Variants in CLASP1 observed in about 807,000 individuals in gnomAD.
The protein encoded by CLASP1 is CLIP-associating protein 1.
Under a neutral mutation model 192.3 loss-of-function variants are expected in CLASP1, and 38 were observed. The observed-to-expected ratio is 0.20, with a 90% CI of 0.15 to 0.26. The LOEUF (loss-of-function observed/expected upper bound fraction) is 0.26. Ranked by LOEUF, CLASP1 falls within the 10% of genes least tolerant of loss-of-function variation. The pLI, the probability that CLASP1 is intolerant of heterozygous loss-of-function variation, is 1.00. For missense variants in CLASP1, 1,433 were observed against 1,932.5 expected (o/e 0.74, Z 4.85); for synonymous variants, 691 against 712.8 (o/e 0.97, Z 0.49).
chr2:121,465,863 G>A (rs916930840), intron 9 of CLASP1, among the ~76,000 whole-genome samples: 35 of 151,876 alleles, frequency 2.3e-4, no homozygotes, highest in Non-Finnish European at 4.9e-4. Flanking sequence ...CAGAAATAAC[G>A]CCGCATATCT....
At chr2:121,502,650 G>A (rs1349538792) in intron 8 of CLASP1, among the ~76,000 whole-genome samples, 5 of 152,246 alleles carry the variant, frequency 3.3e-5, no homozygotes, top group African/African-American at 9.6e-5. Context: ...GGCGGTGGGT[G>A]CCAGATCACG....
At chr2:121,518,586 G>A (rs547708402) in intron 6 of CLASP1, among the ~76,000 whole-genome samples, 6 of 152,106 alleles carry the variant, frequency 3.9e-5, no homozygotes, top group Non-Finnish European at 5.9e-5. Context: ...TTGAAAATGC[G>A]GTCGGGCGCG....
At chr2:121,370,526 T>C (rs1029028075) in intron 34 of CLASP1, among the ~76,000 whole-genome samples, 1 of 152,200 alleles carries the variant, frequency 6.6e-6, no homozygotes, top group African/African-American at 2.4e-5. Flanking sequence ...GGTTTCACCA[T>C]GTTGGTCAGG....
At chr2:121,479,937 G>C (rs542159945) in intron 8 of CLASP1, among the ~76,000 whole-genome samples, 61 of 152,320 alleles carry the variant, frequency 4.0e-4, no homozygotes, top group African/African-American at 1.4e-3. Flanking sequence ...TAGAAGCTCT[G>C]AGGGTGCTAG....
intron 7 of CLASP1, among the ~76,000 whole-genome samples, chr2:121,514,293 A>AGGGTTTCACTCTCGAGAC (rs1156404210): frequency 6.6e-6 from 1 of 152,222 alleles, no homozygotes; most frequent in African/African-American, 2.4e-5. Flanking sequence ...GCAGCAGGGC[A>AGGGTTTCACTCTCGAGAC]GGGTTTCACT....
intron 9 of CLASP1, among the ~76,000 whole-genome samples, chr2:121,464,222 C>G (rs2088888485): frequency 1.3e-5 from 2 of 152,048 alleles, no homozygotes; most frequent in African/African-American, 4.8e-5. Flanking sequence ...ATATGTGCCA[C>G]ATTTTCTTAA....
Position 121,440,629 on chromosome 2 carries a change from G to A in CLASP1, c.1912+6708C>T, listed in dbSNP as rs115943083. 6.6e-3 allele frequency among the ~76,000 whole-genome samples: 1,008 copies of A among 152,246 alleles called. 13 individuals carry two copies. Among genetic ancestry groups the A allele is most frequent in the African/African-American group, 0.021 (889 of 41,532 alleles). ...ATACTTGAGCCTGGCAAGTCAAGGCGGCAGTGAGCCATGATCATGCCATTG... is the reference window on the plus strand; with the variant it reads ...ATACTTGAGCCTGGCAAGTCAAGGCAGCAGTGAGCCATGATCATGCCATTG... On this transcript the variant is annotated intron_variant, in intron 19 of 39. Transcript: ENST00000263710.
intron 3 of CLASP1, 133 bp from the exon 4 acceptor site, chr2:121,528,913 T>A: frequency 1.4e-6 from 1 of 716,680 alleles, no homozygotes; most frequent in Non-Finnish European, 2.4e-6. Flanking sequence ...AAACCACTCA[T>A]CTTTGCTCAC....
intron 7 of CLASP1, among the ~76,000 whole-genome samples, chr2:121,511,817 C>G (rs2094144789): frequency 6.6e-6 from 1 of 152,086 alleles, no homozygotes; most frequent in African/African-American, 2.4e-5. Context: ...TCTTATAAAT[C>G]TAGTTGAATC....
At chr2:121,605,972 G>T in exon 2 of CLASP1, 1 of 1,381,744 alleles carries the variant, frequency 7.2e-7, no homozygotes, top group Non-Finnish European at 9.9e-7. Context: ...GTATCTGGGA[G>T]GTTGCCTCTT....
At chr2:121,420,250 G>A (rs2079260480) in intron 22 of CLASP1, among the ~76,000 whole-genome samples, 1 of 152,174 alleles carries the variant, frequency 6.6e-6, no homozygotes, top group African/African-American at 2.4e-5. Flanking sequence ...TGATGTGAAA[G>A]CACTGAATTT....
chr2:121,530,254 G>C, exon 3 of CLASP1: 4 of 1,551,792 alleles, frequency 2.6e-6, no homozygotes, highest in Non-Finnish European at 3.5e-6. Flanking sequence ...CACCTGTGCC[G>C]ATCTGCGCCT....
At chr2:121,337,868 C>A (rs905410055) in exon 40 of CLASP1, 3 of 150,274 alleles carry the variant, frequency 2.0e-5, no homozygotes, top group Admixed American at 6.7e-5. Context: ...ACAAAAAAAT[C>A]TGTACATTTG....
chr2:121,408,940 T>G, intron 24 of CLASP1: 1 of 1,077,824 alleles, frequency 9.3e-7, no homozygotes, highest in Non-Finnish European at 1.4e-6. Context: ...TATACTACAT[T>G]TTTTGGTTTT....
intron 2 of CLASP1, among the ~76,000 whole-genome samples, chr2:121,570,899 C>A (rs1286008090): frequency 6.6e-6 from 1 of 152,046 alleles, no homozygotes; most frequent in Non-Finnish European, 1.5e-5. Flanking sequence ...ACTCGCTTAC[C>A]CCTCCCCACT....
chr2:121,457,714 C>T (rs755883786), exon 14 of CLASP1: 2 of 1,613,104 alleles, frequency 1.2e-6, no homozygotes, highest in African/African-American at 2.7e-5. Flanking sequence ...CTTAGAGGTA[C>T]AGTTGCTTGT....
chr2:121,470,076 C>A, intron 8 of CLASP1, 116 bp from the exon 9 acceptor site: 1 of 880,198 alleles, frequency 1.1e-6, no homozygotes, highest in Non-Finnish European at 1.7e-6. Context: ...ATTCTGCATA[C>A]TCTTTTGGAA....
At chr2:121,541,189 G>A (rs1360132834) in intron 2 of CLASP1, among the ~76,000 whole-genome samples, 2 of 152,092 alleles carry the variant, frequency 1.3e-5, no homozygotes, top group African/African-American at 4.8e-5. Context: ...AGCAAAGAAA[G>A]GAATACTCAA....
intron 19 of CLASP1, among the ~76,000 whole-genome samples, chr2:121,432,320 T>C (rs1221050375): frequency 6.6e-6 from 1 of 152,134 alleles, no homozygotes. Context: ...GATCTGACCA[T>C]GTTGGCCAGG....
Sources: allele counts gnomAD v4.1 joint callset (sites outside exome capture counted in the v4.1 genomes callset), GRCh38; gene constraint gnomAD v4.1.1; transcripts MANE v1.5; gene names NCBI Gene and HGNC (gene_info 2026-07-23, HGNC 2026-07-21).